Variants in RNF220 observed in about 807,000 individuals in gnomAD.
RNF220 encodes E3 ubiquitin-protein ligase RNF220.
RNF220 carries 7 observed loss-of-function variants against 67.1 expected under a neutral mutation model. That is an observed-to-expected ratio of 0.10 (90% confidence interval 0.06 to 0.20). RNF220 has a LOEUF of 0.20. RNF220 is among the 10% of genes least tolerant of loss of function. RNF220 has a pLI of 1.00. For missense variants in RNF220, 565 were observed against 740.3 expected (o/e 0.76, Z 2.75); for synonymous variants, 270 against 283.2 (o/e 0.95, Z 0.47).
At chr1:44,581,886 G>A (rs145904246) in intron 2 of RNF220, among the ~76,000 whole-genome samples, 51 of 152,268 alleles carry the variant, frequency 3.3e-4, no homozygotes, top group Non-Finnish European at 6.5e-4. Flanking sequence ...AAGCAGCTGT[G>A]CCCACTAGCC....
At chr1:44,616,344 A>G (rs1017225921) in intron 3 of RNF220, among the ~76,000 whole-genome samples, 11 of 152,204 alleles carry the variant, frequency 7.2e-5, no homozygotes, top group African/African-American at 2.4e-4. Context: ...TACCAGTGAT[A>G]ATAATAATAA....
At chr1:44,570,596 A>G (rs1236970437) in intron 2 of RNF220, among the ~76,000 whole-genome samples, 1 of 151,904 alleles carries the variant, frequency 6.6e-6, no homozygotes, top group Non-Finnish European at 1.5e-5. Flanking sequence ...GAGTCTTGGC[A>G]CCTCTTTTTA....
chr1:44,586,489 G>T (rs1665704699), intron 2 of RNF220, among the ~76,000 whole-genome samples: 1 of 152,112 alleles, frequency 6.6e-6, no homozygotes, highest in African/African-American at 2.4e-5. Flanking sequence ...CTGAGGAGGG[G>T]GTCACAGCTC....
rs548531450 is a variant in RNF220 at position 44,621,921 on chromosome 1, T to C, written c.759-821T>C. Among the ~76,000 whole-genome samples, 45 of 152,294 alleles carry C rather than the reference T, an allele frequency of 3.0e-4. No homozygotes were observed. Among genetic ancestry groups the C allele is most frequent in the African/African-American group, 1.1e-3 (45 of 41,560 alleles). Reference sequence around the variant, plus strand: ...GTGTGTGTGTGTGAGTGCACGCGCATGAATGTGCGAGCACAGATGTGGCAA... The same window carrying C: ...GTGTGTGTGTGTGAGTGCACGCGCACGAATGTGCGAGCACAGATGTGGCAA... On this transcript the variant is annotated intron_variant, in intron 3 of 14. Coordinates refer to ENST00000361799, the MANE Select transcript of RNF220 (RefSeq NM_018150.4). The surrounding 1 kb of genome is among the most constrained non-coding windows in gnomAD (Gnocchi z 4.8).
chr1:44,465,364 C>A (rs6700370), intron 2 of RNF220, among the ~76,000 whole-genome samples: 2,464 of 150,518 alleles, frequency 0.016, 80 homozygotes, highest in African/African-American at 0.057. Context: ...TTTTAATGGC[C>A]ATAAATATAT....
intron 2 of RNF220, among the ~76,000 whole-genome samples, chr1:44,556,552 G>A (rs1288235638): frequency 1.3e-5 from 2 of 148,368 alleles, no homozygotes; most frequent in African/African-American, 5.1e-5. Flanking sequence ...GCCTTTTCCT[G>A]TCTGCTCTTC....
At position 44,649,781 on chromosome 1, in the gene RNF220, AG is replaced by A. The variant is rs768819286; in HGVS notation, c.1554+13del. The A allele has an allele frequency of 3.7e-5, 60 of 1,613,780 alleles. No homozygotes were observed. Among genetic ancestry groups the A allele is most frequent in the South Asian group, 8.8e-5 (8 of 91,084 alleles). On this transcript the variant is annotated intron_variant, in intron 13 of 14. Transcript: ENST00000361799. The surrounding 1 kb of genome is among the most constrained non-coding windows in gnomAD (Gnocchi z 5.9). ...GCCTCATCTGCATGGTGAGTAGAAA[AG>A]AACCTAGGGGTGCCCTTGGTCAGGC... is the stretch of plus-strand genomic sequence containing the variant.
chr1:44,438,052 C>T (rs979646169), intron 2 of RNF220, among the ~76,000 whole-genome samples: 2 of 152,166 alleles, frequency 1.3e-5, no homozygotes, highest in African/African-American at 4.8e-5. Context: ...GCATTGCAAT[C>T]GTGTATACAA....
At chr1:44,571,224 C>T (rs1163106503) in intron 2 of RNF220, among the ~76,000 whole-genome samples, 3 of 152,202 alleles carry the variant, frequency 2.0e-5, no homozygotes, top group East Asian at 3.8e-4. Context: ...CTCTCTACCA[C>T]GGCCACATTA....
At chr1:44,503,333 CAAA>C (rs34103792) in intron 2 of RNF220, among the ~76,000 whole-genome samples, 6 of 84,482 alleles carry the variant, frequency 7.1e-5, no homozygotes, top group African/African-American at 1.5e-4. Flanking sequence ...GATGCTGTCT[CAAA>C]AAAAAAAAAA....
At chr1:44,493,253 C>T (rs998086777) in intron 2 of RNF220, among the ~76,000 whole-genome samples, 5 of 152,216 alleles carry the variant, frequency 3.3e-5, no homozygotes, top group Admixed American at 6.5e-5. Context: ...CAGTGGCTTA[C>T]GCCTGTAATC....
intron 5 of RNF220, among the ~76,000 whole-genome samples, chr1:44,631,493 T>G (rs1022406451): frequency 5.9e-5 from 9 of 152,224 alleles, no homozygotes; most frequent in African/African-American, 1.9e-4. Context: ...GAGTTCCATG[T>G]TGGCCATGTT....
chr1:44,512,502 C>A (rs1659092314), intron 2 of RNF220, among the ~76,000 whole-genome samples: 1 of 152,070 alleles, frequency 6.6e-6, no homozygotes, highest in Non-Finnish European at 1.5e-5. Context: ...TGGGGACGGC[C>A]CCTAAGGGGG....
rs60264976 is a variant in RNF220, at chr1:44,562,979, C to G, written c.626-51186C>G. On this transcript the variant is annotated intron_variant, in intron 2 of 14. Coordinates refer to ENST00000361799, the MANE Select transcript of RNF220 (RefSeq NM_018150.4). ...TCTCTGTCTTGGGGGAGCTGTGGACCTGAATGGGGCTGGGAACAATAGACA... is the reference window on the plus strand; with the variant it reads ...TCTCTGTCTTGGGGGAGCTGTGGACGTGAATGGGGCTGGGAACAATAGACA... Among the ~76,000 whole-genome samples, 371 of 152,242 alleles carry G rather than the reference C, an allele frequency of 2.4e-3. 2 individuals are homozygous for G. Among genetic ancestry groups the G allele is most frequent in the African/African-American group, 8.7e-3 (362 of 41,546 alleles).
rs191567951 is a variant in RNF220, at chr1:44,589,483, G to C, written c.626-24682G>C. Among the ~76,000 whole-genome samples, 491 of 152,170 alleles carry C rather than the reference G, an allele frequency of 3.2e-3. 2 individuals are homozygous for C. The highest frequency in any genetic ancestry group is 0.014 in the Middle Eastern group (4 of 294). On this transcript the variant is annotated intron_variant, in intron 2 of 14. Transcript: ENST00000361799. ...CGAAAAATTAGCCAAGCGTGGTGAC[G>C]GGCGCCTGTAGTCCCAGCTACTCGG...
At chr1:44,597,693 C>T (rs1016144571) in intron 2 of RNF220, among the ~76,000 whole-genome samples, 8 of 152,102 alleles carry the variant, frequency 5.3e-5, no homozygotes, top group Non-Finnish European at 1.2e-4. Flanking sequence ...ACACACGCAC[C>T]TCTCTGTCTC....
intron 3 of RNF220, among the ~76,000 whole-genome samples, chr1:44,618,265 G>A (rs270728): frequency 0.72 from 109,238 of 152,082 alleles, 40,422 homozygotes; most frequent in Non-Finnish European, 0.82. Context: ...AGACACAGAC[G>A]CAAACATATA....
intron 2 of RNF220, among the ~76,000 whole-genome samples, chr1:44,479,694 T>A (rs935008669): frequency 6.6e-6 from 1 of 152,234 alleles, no homozygotes; most frequent in South Asian, 2.1e-4. Context: ...AGCCCCAGGA[T>A]GGATCTTAAT....
chr1:44,519,292 A>G (rs1174481421), intron 2 of RNF220, among the ~76,000 whole-genome samples: 1 of 152,236 alleles, frequency 6.6e-6, no homozygotes, highest in African/African-American at 2.4e-5. Flanking sequence ...ATACATGTCA[A>G]GCACTACGCT....
Sources: gnomAD v4.1 joint callset for allele counts (sites outside exome capture counted in the v4.1 genomes callset) on GRCh38, gnomAD v4.1.1 for gene constraint, Gnocchi (gnomAD v3.1) non-coding constraint, MANE v1.5 for transcripts, NCBI Gene and HGNC (gene_info 2026-07-23, HGNC 2026-07-21) for gene names.